The following RBM47 variants were observed in gnomAD, a reference collection of about 807,000 sequenced individuals.
RBM47 encodes RNA-binding protein 47.
Under a neutral mutation model 47.1 loss-of-function variants are expected in RBM47, and 21 were observed. The ratio of observed to expected loss-of-function variants is 0.45; its 90% CI spans 0.32 to 0.64. The LOEUF is 0.64. Among genes scored for constraint, RBM47 ranks in the 30% least tolerant of loss-of-function variants. The pLI, the probability that RBM47 is intolerant of heterozygous loss-of-function variation, is 0.05. For missense variants in RBM47, 708 were observed against 870.9 expected (o/e 0.81, Z 2.35); for synonymous variants, 375 against 361.7 (o/e 1.04, Z -0.42).
chr4:40,428,332 T>G (rs548330357), intron 6 of RBM47, among the ~76,000 whole-genome samples: 7 of 152,242 alleles, frequency 4.6e-5, no homozygotes, highest in Non-Finnish European at 1.0e-4. Flanking sequence ...TATATGGAGT[T>G]GTGTGGAAGT....
chr4:40,536,169 C>T (rs415795), intron 2 of RBM47, among the ~76,000 whole-genome samples: 44,128 of 152,198 alleles, frequency 0.29, 8,385 homozygotes, highest in African/African-American at 0.54. Flanking sequence ...TGGCAGGCAA[C>T]ACCTGCATAG....
chr4:40,545,804 G>A (rs970506440), intron 1 of RBM47, among the ~76,000 whole-genome samples: 5 of 152,086 alleles, frequency 3.3e-5, no homozygotes, highest in Admixed American at 2.6e-4. Flanking sequence ...CCACTCTACT[G>A]CTTGCTAGCT....
intron 2 of RBM47, among the ~76,000 whole-genome samples, chr4:40,484,519 T>C (rs1397901815): frequency 6.6e-6 from 1 of 152,134 alleles, no homozygotes; most frequent in Non-Finnish European, 1.5e-5. Context: ...TCCTTAGGTA[T>C]GGTTGGGATC....
At chr4:40,533,496 A>G (rs1418029181) in intron 2 of RBM47, among the ~76,000 whole-genome samples, 1 of 152,092 alleles carries the variant, frequency 6.6e-6, no homozygotes, top group Non-Finnish European at 1.5e-5. Context: ...AGAGCAATAC[A>G]AAGACATTCA....
At chr4:40,620,368 G>A (rs552097571) in intron 1 of RBM47, among the ~76,000 whole-genome samples, 48 of 151,676 alleles carry the variant, frequency 3.2e-4, no homozygotes, top group African/African-American at 1.1e-3. Context: ...AGCCAGGCAT[G>A]GTGGCAGGCG....
At chr4:40,548,426 A>G (rs930346489) in intron 1 of RBM47, among the ~76,000 whole-genome samples, 2 of 152,212 alleles carry the variant, frequency 1.3e-5, no homozygotes, top group Non-Finnish European at 2.9e-5. Context: ...GAGAATTTTA[A>G]TCAGGAAGGT....
At chr4:40,562,746 G>A (rs1029676213) in intron 1 of RBM47, among the ~76,000 whole-genome samples, 1 of 152,154 alleles carries the variant, frequency 6.6e-6, no homozygotes, top group Non-Finnish European at 1.5e-5. Context: ...GATTACAGGC[G>A]TGAGCCACCG....
At chr4:40,496,635 G>T (rs1276939793) in intron 2 of RBM47, among the ~76,000 whole-genome samples, 3 of 152,170 alleles carry the variant, frequency 2.0e-5, no homozygotes, top group African/African-American at 7.2e-5. Context: ...AGCGATCACT[G>T]TTCGAAGTTT....
At chr4:40,598,252 A>G (rs1474451162) in intron 1 of RBM47, among the ~76,000 whole-genome samples, 1 of 151,996 alleles carries the variant, frequency 6.6e-6, no homozygotes, top group Non-Finnish European at 1.5e-5. Flanking sequence ...TTATTTATTT[A>G]TTTATTTATT....
intron 3 of RBM47, among the ~76,000 whole-genome samples, chr4:40,440,584 A>G (rs1436109508): frequency 6.6e-6 from 1 of 152,236 alleles, no homozygotes; most frequent in Non-Finnish European, 1.5e-5. Flanking sequence ...TTTATTTGCC[A>G]GATGGCCAAA....
chr4:40,555,887 C>T (rs1393336468), intron 1 of RBM47, among the ~76,000 whole-genome samples: 2 of 152,152 alleles, frequency 1.3e-5, no homozygotes, highest in African/African-American at 4.8e-5. Context: ...AGTTAGGGCA[C>T]AGAACAGCTG....
chr4:40,553,579 G>A (rs1384701640), intron 1 of RBM47, among the ~76,000 whole-genome samples: 1 of 152,166 alleles, frequency 6.6e-6, no homozygotes, highest in Non-Finnish European at 1.5e-5. Context: ...TTACAGGTGT[G>A]AGCCACTACG....
chr4:40,596,860 G>A (rs144461483), intron 1 of RBM47, among the ~76,000 whole-genome samples: 11 of 152,286 alleles, frequency 7.2e-5, no homozygotes, highest in African/African-American at 2.6e-4. Flanking sequence ...TATCTCTCCA[G>A]TGGTTTATTC....
At chr4:40,439,812 T>C (rs1240057060) in intron 3 of RBM47, among the ~76,000 whole-genome samples, 1 of 152,208 alleles carries the variant, frequency 6.6e-6, no homozygotes, top group Non-Finnish European at 1.5e-5. Flanking sequence ...TGTCAGCTTG[T>C]AGGCAGACTT....
chr4:40,521,975 G>A (rs1210869978), intron 2 of RBM47, among the ~76,000 whole-genome samples: 1 of 152,298 alleles, frequency 6.6e-6, no homozygotes, highest in East Asian at 1.9e-4. Context: ...CATGAGATCA[G>A]CTATGACATT....
rs1339275808 is a variant in RBM47 at position 40,529,872 on chromosome 4, A to ATAAGTAAG, written c.-155+14549_-155+14550insCTTACTTA. ...AATAAATAAATAAATAAATAAATAA[A>ATAAGTAAG]TAAATATTAAAATAAAAGTAAATAA... On this transcript the variant is annotated intron_variant, in intron 2 of 6. Coordinates refer to ENST00000295971, the MANE Select transcript of RBM47 (RefSeq NM_001098634.2). Among the ~76,000 whole-genome samples, 517 of 146,804 alleles carry ATAAGTAAG rather than the reference A, an allele frequency of 3.5e-3. 7 individuals carry two copies. The highest frequency in any genetic ancestry group is 0.012 in the African/African-American group (492 of 40,104).
intron 2 of RBM47, among the ~76,000 whole-genome samples, chr4:40,469,923 C>A (rs1328153556): frequency 2.0e-5 from 3 of 152,150 alleles, no homozygotes; most frequent in African/African-American, 7.2e-5. Context: ...GCGTGAGCCA[C>A]CATGTGCGGC....
chr4:40,570,218 AT>A (rs1560476556), intron 1 of RBM47, among the ~76,000 whole-genome samples: 3 of 152,044 alleles, frequency 2.0e-5, no homozygotes, highest in East Asian at 3.9e-4. Context: ...AGCACATTAC[AT>A]TTATTGTGCA....
intron 1 of RBM47, among the ~76,000 whole-genome samples, chr4:40,554,122 C>G (rs1021753581): frequency 2.6e-5 from 4 of 152,184 alleles, no homozygotes; most frequent in Non-Finnish European, 5.9e-5. Context: ...AAAGAATGCA[C>G]TCAGTGGGAT....
Sources: allele counts gnomAD v4.1 joint callset (sites outside exome capture counted in the v4.1 genomes callset), GRCh38; gene constraint gnomAD v4.1.1; transcripts MANE v1.5; gene names NCBI Gene and HGNC (gene_info 2026-07-23, HGNC 2026-07-21).